The following ZNF426 variants were observed in gnomAD, a reference collection of about 807,000 sequenced individuals.
ZNF426 encodes zinc finger protein 426.
In ZNF426, 23 loss-of-function variants were observed where a neutral mutation model predicts 24.0. The observed-to-expected ratio is 0.96, with a 90% CI of 0.69 to 1.36. The LOEUF (loss-of-function observed/expected upper bound fraction) is 1.36. ZNF426 is among the 40% of genes most tolerant of loss of function. ZNF426 has a pLI of 0.00. For synonymous variants in ZNF426, 272 were observed against 224.6 expected, an observed-to-expected ratio of 1.21 and a Z score of -1.89; for missense variants, 646 against 658.4, an observed-to-expected ratio of 0.98 and a Z score of 0.21.
intron 6 of ZNF426, 62 bp downstream of exon 6, chr19:9,532,783 A>C: frequency 7.7e-7 from 1 of 1,299,240 alleles, no homozygotes. Context: ...AAAGTTTCCT[A>C]ATTATGCTTT....
intron 2 of ZNF426, 45 bp from the exon 3 acceptor site, chr19:9,536,401 G>A: frequency 6.6e-7 from 1 of 1,513,668 alleles, no homozygotes; most frequent in Non-Finnish European, 8.9e-7. Flanking sequence ...TTAATCATCA[G>A]CCATCAAACA....
chr19:9,534,290 C>G (rs1270274307), intron 4 of ZNF426, among the ~76,000 whole-genome samples: 1 of 152,074 alleles, frequency 6.6e-6, no homozygotes, highest in Non-Finnish European at 1.5e-5. Context: ...ACTGCAACCT[C>G]CACCTCCCAG....
In ZNF426 at chr19:9,526,402, C is replaced by A. The variant is rs1006044866; in HGVS notation, c.*1978G>T. On this transcript the variant is annotated 3_prime_UTR_variant, in exon 8 of 8. Coordinates refer to ENST00000253115, the MANE Select transcript of ZNF426 (RefSeq NM_024106.3). Reference sequence around the variant, plus strand: ...AAAGCAGACAGCATCCAAGAACAGACAGGCAGTGTAAACACAGAGATGGAA... The same window carrying A: ...AAAGCAGACAGCATCCAAGAACAGAAAGGCAGTGTAAACACAGAGATGGAA... 1 of 151,926 alleles carries A rather than the reference C, an allele frequency of 6.6e-6. No individual in the cohort carries two copies. Among genetic ancestry groups the A allele is most frequent in the African/African-American group, 2.4e-5 (1 of 41,340 alleles). The allele number at this position is 151,926 out of a possible 1,614,324, so 9.4% of individuals were successfully genotyped here.
At chr19:9,529,712 CATT>C (rs2073854380) in intron 7 of ZNF426, 76 bp from the exon 8 acceptor site, 7 of 1,392,528 alleles carry the variant, frequency 5.0e-6, no homozygotes, top group Non-Finnish European at 6.8e-6. Context: ...AAGCTAGAAA[CATT>C]ATAATGGTGA....
rs767459062 is a variant in ZNF426, at chr19:9,529,180, A to G, written c.865T>C (p.Tyr289His). 6.2e-7 allele frequency: 1 copy of G among 1,614,206 alleles called. No individual in the cohort carries two copies. Among genetic ancestry groups the G allele is most frequent in the South Asian group, 1.1e-5 (1 of 91,086 alleles). ...ATACTGAGGTAGGCTGGGTATCTAT[A>G]GCCTTTTCCACATTCCTTACATTTG... ...PYKCKECGKGYRYPAYLSIHM... is the reference protein window; with the variant it reads ...PYKCKECGKGHRYPAYLSIHM... The change falls in exon 8 of 8, where the codon TAT becomes CAT. Residue 289 changes from tyrosine (Y) to histidine (H), a missense_variant. Coordinates refer to ENST00000253115, the MANE Select transcript of ZNF426 (RefSeq NM_024106.3).
chr19:9,534,770 T>C (rs1348281896), intron 4 of ZNF426, among the ~76,000 whole-genome samples: 4 of 152,030 alleles, frequency 2.6e-5, no homozygotes, highest in Admixed American at 2.6e-4. Flanking sequence ...AATTTTTAAA[T>C]TTTTTGTAGA....
chr19:9,530,122 AAATAAT>A (rs60239218), intron 7 of ZNF426, among the ~76,000 whole-genome samples: 42 of 151,676 alleles, frequency 2.8e-4, no homozygotes, highest in African/African-American at 4.6e-4. Flanking sequence ...CTCCGTCTCA[AAATAAT>A]AATAATAATA....
rs1006769451 is a variant in ZNF426, at chr19:9,527,727, A to G, written c.*653T>C. On this transcript the variant is annotated 3_prime_UTR_variant, in exon 8 of 8. Transcript: ENST00000253115. Reference sequence around the variant, plus strand: ...CTTGCTAGAGCCACCACAACAAAATACCACAGACTGGGTGGCTCAAACAAG... The same window carrying G: ...CTTGCTAGAGCCACCACAACAAAATGCCACAGACTGGGTGGCTCAAACAAG... The G allele has an allele frequency of 1.3e-5, 2 of 152,192 alleles. No individual in the cohort carries two copies. Among genetic ancestry groups the G allele is most frequent in the African/African-American group, 4.8e-5 (2 of 41,438 alleles). The allele number at this position is 152,192 out of a possible 1,614,324, so 9.4% of individuals were successfully genotyped here.
At position 9,528,117 on chromosome 19, in the gene ZNF426, T is replaced by G; in HGVS notation, c.*263A>C. On this transcript the variant is annotated 3_prime_UTR_variant, in exon 8 of 8. Coordinates refer to ENST00000253115, the MANE Select transcript of ZNF426 (RefSeq NM_024106.3). ...GATTCACTTGCCTCAGCCTCCCAAG[T>G]AGCTGGGATTACAGGTGCCCACCAC... The G allele has an allele frequency of 6.3e-6, 2 of 317,580 alleles. No individual in the cohort carries two copies. The highest frequency in any genetic ancestry group is 4.6e-5 in the South Asian group (1 of 21,684). 19.7% of individuals were successfully genotyped at this position (317,580 alleles called of 1,614,324 possible).
intron 4 of ZNF426, among the ~76,000 whole-genome samples, chr19:9,534,835 T>A (rs1443516705): frequency 6.6e-6 from 1 of 151,874 alleles, no homozygotes; most frequent in Admixed American, 6.6e-5. Context: ...ACTCAAGCAA[T>A]CTGCCTGCCT....
intron 6 of ZNF426, among the ~76,000 whole-genome samples, 197 bp downstream of exon 6, chr19:9,532,648 C>G (rs1435226030): frequency 6.6e-6 from 1 of 152,026 alleles, no homozygotes; most frequent in South Asian, 2.1e-4. Context: ...ATAACTGAAA[C>G]CGTGAAAAGT....
intron 6 of ZNF426, among the ~76,000 whole-genome samples, 195 bp downstream of exon 6, chr19:9,532,650 G>A (rs140618815): frequency 8.5e-4 from 130 of 152,218 alleles, no homozygotes; most frequent in African/African-American, 2.8e-3. Context: ...AACTGAAACC[G>A]TGAAAAGTGA....
intron 4 of ZNF426, among the ~76,000 whole-genome samples, chr19:9,534,977 T>A (rs2073942847): frequency 1.3e-5 from 2 of 150,758 alleles, no homozygotes; most frequent in African/African-American, 4.9e-5. Flanking sequence ...AGTCCTTGAG[T>A]GACACTTTAT....
Position 9,529,217 on chromosome 19 carries a change from T to G in ZNF426, c.828A>C (p.Ala276=), listed in dbSNP as rs1409216345. The G allele has an allele frequency of 6.8e-6, 11 of 1,614,104 alleles. No individual in the cohort carries two copies. The highest frequency in any genetic ancestry group is 8.5e-6 in the Non-Finnish European group (10 of 1,180,022). ...ATTCCTTACATTTGTAGGGCTTTTT[T>G]GCATTGAGGGTTTCTATAAGCACAG... ...SLSVLIETLN[A]KKPYKCKECG... The change falls in exon 8 of 8, where the codon GCA becomes GCC. Residue 276 remains alanine, a synonymous_variant. Coordinates refer to ENST00000253115, the MANE Select transcript of ZNF426 (RefSeq NM_024106.3).
intron 3 of ZNF426, among the ~76,000 whole-genome samples, chr19:9,535,969 G>C (rs1015392528): frequency 6.6e-6 from 1 of 152,118 alleles, no homozygotes; most frequent in Non-Finnish European, 1.5e-5. Flanking sequence ...TCACACATAA[G>C]GAAACATATA....
rs1228498923 is a variant in ZNF426, at chr19:9,536,243, G to A, written c.-11C>T. ...ATCAGCAGCTGCCATCCCGCGAGGT[G>A]AGAACGTGTCAGAACCCTCCTTTCA... On this transcript the variant is annotated 5_prime_UTR_variant, in exon 3 of 8. Transcript: ENST00000253115. 3 of 1,614,222 alleles carry A rather than the reference G, an allele frequency of 1.9e-6. No homozygotes were observed. The highest frequency in any genetic ancestry group is 2.2e-5 in the East Asian group (1 of 44,888).
chr19:9,528,380 C>T lies in ZNF426; in HGVS notation c.1665G>A (p.Ter555=), dbSNP rs1241024418. ...CATTTATTACATGGACAGTTTCTCA[C>T]TAGTGAATTTGTTCATGTCTTCGAA... ...RSLRRHEQIH[*] Residue 555 remains the stop codon, a stop_retained_variant, in exon 8 of 8, where the codon TAG becomes TAA. Coordinates refer to ENST00000253115, the MANE Select transcript of ZNF426 (RefSeq NM_024106.3). 1 of 1,568,600 alleles carries T rather than the reference C, an allele frequency of 6.4e-7. No homozygotes were observed. The highest frequency in any genetic ancestry group is 1.9e-5 in the Admixed American group (1 of 52,270).
chr19:9,533,001 AGATCTAAT>A, intron 5 of ZNF426, 76 bp from the exon 6 acceptor site: 1 of 1,235,468 alleles, frequency 8.1e-7, no homozygotes, highest in Non-Finnish European at 1.2e-6. Context: ...CAGGAACTAC[AGATCTAAT>A]GAAAGTGGTG....
chr19:9,536,935 C>T (rs1236205175), intron 2 of ZNF426, among the ~76,000 whole-genome samples: 3 of 152,102 alleles, frequency 2.0e-5, no homozygotes, highest in African/African-American at 4.8e-5. Flanking sequence ...GAGTTCAAGA[C>T]CGGCCTAACC....
Sources: allele counts gnomAD v4.1 joint callset (sites outside exome capture counted in the v4.1 genomes callset), GRCh38; gene constraint gnomAD v4.1.1; transcripts MANE v1.5; gene names NCBI Gene and HGNC (gene_info 2026-07-23, HGNC 2026-07-21).